The following PPARGC1B variants were observed in gnomAD, a reference collection of about 807,000 sequenced individuals.
The protein encoded by PPARGC1B is PPARG coactivator 1 beta.
PPARGC1B carries 34 observed loss-of-function variants against 101.6 expected under a neutral mutation model. The ratio of observed to expected loss-of-function variants is 0.33; its 90% confidence interval spans 0.25 to 0.45. The LOEUF (loss-of-function observed/expected upper bound fraction) is 0.45. Ranked by LOEUF, PPARGC1B falls within the 20% of genes least tolerant of loss-of-function variation. The pLI is 1.00. For synonymous variants in PPARGC1B, 548 were observed against 539.3 expected (o/e 1.02, Z -0.22); for missense variants, 1,234 against 1,317.6 (o/e 0.94, Z 0.98).
At position 149,820,625 on chromosome 5, in the gene PPARGC1B, C is replaced by G. The variant is rs1423579669; in HGVS notation, c.252+19C>G. 1.3e-6 allele frequency: 2 copies of G among 1,594,520 alleles called. No homozygotes were observed. The highest frequency in any genetic ancestry group is 2.2e-5 in the South Asian group (2 of 90,556). ...CTTCCAGGTATGCCCTTTCCAGTCT[C>G]CCCTCCTCCCACCCTGCCAGGCCTC... On this transcript the variant is annotated intron_variant, in intron 2 of 11. Coordinates refer to ENST00000309241, the MANE Select transcript of PPARGC1B (RefSeq NM_133263.4).
intron 1 of PPARGC1B, among the ~76,000 whole-genome samples, chr5:149,736,218 G>T (rs561698384): frequency 2.6e-5 from 4 of 152,162 alleles, no homozygotes; most frequent in Non-Finnish European, 4.4e-5. Flanking sequence ...TTGAAATGGG[G>T]ATAATAGGCC....
intron 9 of PPARGC1B, among the ~76,000 whole-genome samples, chr5:149,840,406 A>G (rs186967946): frequency 8.9e-4 from 135 of 152,274 alleles, no homozygotes; most frequent in African/African-American, 3.1e-3. Flanking sequence ...GGGCCTTGAG[A>G]GAGCCAAGTG....
intron 1 of PPARGC1B, among the ~76,000 whole-genome samples, chr5:149,813,941 C>T (rs904201795): frequency 2.0e-5 from 3 of 152,140 alleles, no homozygotes; most frequent in Non-Finnish European, 4.4e-5. Flanking sequence ...GGGTACGCAT[C>T]CCATTCATGA....
chr5:149,787,464 AT>A (rs772940989), intron 1 of PPARGC1B, among the ~76,000 whole-genome samples: 1 of 152,194 alleles, frequency 6.6e-6, no homozygotes, highest in African/African-American at 2.4e-5. Flanking sequence ...CCAGGTTGGG[AT>A]TTTAAAATGT....
Position 149,830,853 on chromosome 5 carries a change from C to G in PPARGC1B, c.552C>G (p.Leu184=), listed in dbSNP as rs746269520. 1.1e-5 allele frequency: 18 copies of G among 1,613,926 alleles called. No homozygotes were observed. The highest frequency in any genetic ancestry group is 1.5e-5 in the Non-Finnish European group (18 of 1,179,774). The change falls in exon 4 of 12, where the codon CTC becomes CTG. Residue 184 remains leucine (L), a synonymous_variant. Transcript: ENST00000309241. ...KEGTAWRQAG[L]RSKSQRPCVK... ...GGACCGCCTGGCGCCAGGCAGGCCT[C>G]AGATCTAAAAGTCAACGGCCTTGTG... is the stretch of plus-strand genomic sequence containing the variant.
intron 1 of PPARGC1B, among the ~76,000 whole-genome samples, chr5:149,791,059 C>T (rs1242867529): frequency 2.0e-5 from 3 of 151,960 alleles, no homozygotes; most frequent in Admixed American, 6.6e-5. Context: ...GAGGCCAAGG[C>T]GGGCGGATCA....
At chr5:149,789,450 A>G (rs1020765297) in intron 1 of PPARGC1B, among the ~76,000 whole-genome samples, 1 of 152,220 alleles carries the variant, frequency 6.6e-6, no homozygotes, top group African/African-American at 2.4e-5. Flanking sequence ...ACTGTGAACC[A>G]AGCAGAGTTC....
At position 149,832,663 on chromosome 5, in the gene PPARGC1B, G is replaced by A; in HGVS notation, c.590G>A (p.Ser197Asn). 1 of 1,538,196 alleles carries A rather than the reference G, an allele frequency of 6.5e-7. No individual in the cohort carries two copies. The highest frequency in any genetic ancestry group is 8.8e-7 in the Non-Finnish European group (1 of 1,139,422). ...GCCTCTCTCCCTCTCTAGGCGGACA[G>A]CACCCAAGACAAGAAGGCTCCCATG... ...KSQRPCVKAD[S>N]TQDKKAPMMQ... is the part of the protein sequence containing the mutation. Residue 197 changes from serine (S) to asparagine (N), a missense_variant, in exon 5 of 12, where the codon AGC (serine) becomes AAC (asparagine). By Grantham distance (46) the Ser-to-Asn change is conservative. Transcript: ENST00000309241. The surrounding 1 kb of genome is among the most constrained non-coding windows in gnomAD (Gnocchi z 4.9).
At position 149,840,130 on chromosome 5, in the gene PPARGC1B, G is replaced by T. The variant is rs772416162; in HGVS notation, c.2694+14G>T. ...GAAAAGGCCATTGTAAGTGATCTGG[G>T]GGCCCAGAGCCTGGAGTGAATGGGA... On this transcript the variant is annotated intron_variant, in intron 9 of 11. Transcript: ENST00000309241. The T allele has an allele frequency of 1.1e-5, 17 of 1,607,474 alleles. No homozygotes were observed. The highest frequency in any genetic ancestry group is 1.4e-5 in the Non-Finnish European group (16 of 1,176,696).
chr5:149,780,488 G>T (rs1206943830), intron 1 of PPARGC1B, among the ~76,000 whole-genome samples: 1 of 152,076 alleles, frequency 6.6e-6, no homozygotes, highest in Non-Finnish European at 1.5e-5. Context: ...CATGTGTACA[G>T]TGAGAGGTTT....
intron 1 of PPARGC1B, among the ~76,000 whole-genome samples, chr5:149,767,260 G>A (rs1755945295): frequency 6.6e-6 from 1 of 152,138 alleles, no homozygotes. Flanking sequence ...AAGTCCCAGA[G>A]CCCACACATG....
At chr5:149,795,945 G>A (rs1757198278) in intron 1 of PPARGC1B, among the ~76,000 whole-genome samples, 3 of 152,104 alleles carry the variant, frequency 2.0e-5, no homozygotes, top group Non-Finnish European at 4.4e-5. Context: ...AGGATTGAGT[G>A]ACATGATGCA....
intron 1 of PPARGC1B, among the ~76,000 whole-genome samples, chr5:149,819,488 G>C (rs74924876): frequency 7.3e-6 from 1 of 137,244 alleles, no homozygotes; most frequent in Non-Finnish European, 1.6e-5. Context: ...TTGTTTGTTT[G>C]TTTTTGTTTT....
rs1491306724 is a variant in PPARGC1B, at chr5:149,794,553, CAT to C, written c.79-25879_79-25878del. Among the ~76,000 whole-genome samples the C allele has an allele frequency of 4.2e-3, 384 of 91,706 alleles. 2 individuals are homozygous for C. The highest frequency in any genetic ancestry group is 0.019 in the East Asian group (47 of 2,530). 60.2% of individuals were successfully genotyped at this position (91,706 alleles called of 152,430 possible). ...ACACACACACACACACACACACACACATTCAAGCAAAATTCCCTAAGCAGTAA... is the reference window on the plus strand; with the variant it reads ...ACACACACACACACACACACACACACTCAAGCAAAATTCCCTAAGCAGTAA... On this transcript the variant is annotated intron_variant, in intron 1 of 11. Coordinates refer to ENST00000309241, the MANE Select transcript of PPARGC1B (RefSeq NM_133263.4).
rs553381689 is a variant in PPARGC1B, at chr5:149,730,951, A to G, written c.78+531A>G. Among the ~76,000 whole-genome samples the G allele has an allele frequency of 5.9e-5, 9 of 152,288 alleles. No homozygotes were observed. In the South Asian group the frequency reaches 1.9e-3, roughly 32 times the overall value. ...CGCCCGCAGCGCGGAGTTTCCTGCC[A>G]GTTGCCGGCTAAAGGCATAAGGGTC... On this transcript the variant is annotated intron_variant, in intron 1 of 11. Transcript: ENST00000309241. This position sits in a 1 kb window ranked among gnomAD's most constrained non-coding sequence, Gnocchi z 4.0.
At chr5:149,782,866 A>C (rs1391578312) in intron 1 of PPARGC1B, among the ~76,000 whole-genome samples, 1 of 152,136 alleles carries the variant, frequency 6.6e-6, no homozygotes, top group Non-Finnish European at 1.5e-5. Context: ...GATGTTCAAC[A>C]TTCCCTCCTG....
chr5:149,732,046 GTGTGT>G (rs1385670596), intron 1 of PPARGC1B, among the ~76,000 whole-genome samples: 1 of 4,962 alleles, frequency 2.0e-4, no homozygotes, highest in Admixed American at 1.9e-3. Flanking sequence ...GCGCGCGCGG[GTGTGT>G]GTGTGTGTGT....
chr5:149,833,570 C>T lies in PPARGC1B; in HGVS notation c.1497C>T (p.Pro499=), dbSNP rs1381994411. ...WLTFADEPLV[P]SEPQGALPSL... ...CATTTGCAGATGAGCCGCTGGTCCC[C>T]TCGGAGCCCCAAGGTGCTCTGCCCT... The change falls in exon 5 of 12, where the codon CCC becomes CCT. Residue 499 remains proline, a synonymous_variant. Coordinates refer to ENST00000309241, the MANE Select transcript of PPARGC1B (RefSeq NM_133263.4). This position sits in a 1 kb window ranked among gnomAD's most constrained non-coding sequence, Gnocchi z 4.1. The T allele has an allele frequency of 3.8e-6, 6 of 1,593,974 alleles. No homozygotes were observed. The highest frequency in any genetic ancestry group is 3.4e-5 in the South Asian group (3 of 87,782).
At chr5:149,826,576 TG>T in intron 2 of PPARGC1B, 96 bp from the exon 3 acceptor site, 1 of 948,400 alleles carries the variant, frequency 1.1e-6, no homozygotes, top group Non-Finnish European at 1.7e-6. Flanking sequence ...GCCAGCTGGC[TG>T]GGCAGAGCTG....
Sources: gnomAD v4.1 joint callset for allele counts (sites outside exome capture counted in the v4.1 genomes callset) on GRCh38, gnomAD v4.1.1 for gene constraint, Gnocchi (gnomAD v3.1) non-coding constraint, MANE v1.5 for transcripts, NCBI Gene and HGNC (gene_info 2026-07-23, HGNC 2026-07-21) for gene names.